THEMIS: variants seen among roughly 807,000 people sequenced by gnomAD.
The protein encoded by THEMIS is protein THEMIS.
Under a neutral mutation model 52.6 loss-of-function variants are expected in THEMIS, and 37 were observed. The observed-to-expected ratio is 0.70, with a 90% confidence interval of 0.54 to 0.93. THEMIS has a LOEUF of 0.93. THEMIS is among the 40% of genes least tolerant of loss of function. The pLI is 0.00. For synonymous variants in THEMIS, 292 were observed against 272.7 expected, an observed-to-expected ratio of 1.07 and a Z score of -0.70; for missense variants, 808 against 763.1, an observed-to-expected ratio of 1.06 and a Z score of -0.69.
At chr6:127,717,823 T>C (rs1583193887) in intron 5 of THEMIS, among the ~76,000 whole-genome samples, 1 of 48,902 alleles carries the variant, frequency 2.0e-5, no homozygotes, top group Non-Finnish European at 9.7e-5. Flanking sequence ...TTAATTAGGC[T>C]TTTTTTTTTT....
intron 1 of THEMIS, among the ~76,000 whole-genome samples, chr6:127,916,210 AT>A (rs1444414023): frequency 6.6e-6 from 1 of 151,702 alleles, no homozygotes; most frequent in African/African-American, 2.4e-5. Context: ...TATGAAAAAA[AT>A]AAACCTAGGG....
rs143455507 is a variant in THEMIS at position 127,764,326 on chromosome 6, AT to A, written c.1759-44504del. ...TTGTTGAACTCTATAATCTTGAGGC[AT>A]TTTTTTTTTACTATAGTAACGTCCA... On this transcript the variant is annotated intron_variant, in intron 4 of 5. Coordinates refer to ENST00000368248, the MANE Select transcript of THEMIS (RefSeq NM_001010923.3). Among the ~76,000 whole-genome samples the A allele has an allele frequency of 1.5e-3, 226 of 149,092 alleles. 1 individual carries two copies. Among genetic ancestry groups the A allele is most frequent in the African/African-American group, 4.3e-3 (177 of 40,852 alleles).
At chr6:127,900,576 T>C (rs1385499955) in intron 1 of THEMIS, among the ~76,000 whole-genome samples, 2 of 152,022 alleles carry the variant, frequency 1.3e-5, no homozygotes, top group African/African-American at 4.8e-5. Flanking sequence ...AAGGCAGAAA[T>C]AGTTCACCAT....
chr6:127,901,058 C>T lies in THEMIS; in HGVS notation c.-126G>A, dbSNP rs1050571606. 4.0e-6 allele frequency: 3 copies of T among 759,012 alleles called. No homozygotes were observed. In the African/African-American group the frequency reaches 5.1e-5, roughly 13 times the overall value. The allele number at this position is 759,012 out of a possible 1,614,324, so 47.0% of individuals were successfully genotyped here. A position where few individuals can be genotyped will look rare whatever the true frequency, so the allele number is the denominator to read the frequency against. ...TCAGGCAGGCAGGAATGTCACACTA[C>T]AGCCAGAGTGGGGTGGAGTAGCTCT... On this transcript the variant is annotated 5_prime_UTR_variant, in exon 1 of 6. Transcript: ENST00000368248.
chr6:127,855,470 A>AG (rs1779588553), intron 1 of THEMIS, among the ~76,000 whole-genome samples: 1 of 151,916 alleles, frequency 6.6e-6, no homozygotes, highest in Non-Finnish European at 1.5e-5. Flanking sequence ...CCATGGTCAA[A>AG]CTACAAACGT....
chr6:127,761,270 A>G (rs1189068420), intron 4 of THEMIS, among the ~76,000 whole-genome samples: 1 of 152,198 alleles, frequency 6.6e-6, no homozygotes, highest in Non-Finnish European at 1.5e-5. Context: ...GCAAAGGTAC[A>G]GCTGAGACAG....
chr6:127,882,354 T>C (rs767387953), intron 1 of THEMIS, among the ~76,000 whole-genome samples: 12 of 152,008 alleles, frequency 7.9e-5, no homozygotes, highest in Non-Finnish European at 1.5e-4. Context: ...CTGACAGTCA[T>C]TTTAGTGCCC....
chr6:127,813,796 G>C lies in THEMIS; in HGVS notation c.845C>G (p.Pro282Arg). 6.2e-7 allele frequency: 1 copy of C among 1,613,934 alleles called. No individual in the cohort carries two copies. The highest frequency in any genetic ancestry group is 8.5e-7 in the Non-Finnish European group (1 of 1,179,962). The change falls in exon 4 of 6, where the codon CCC (proline) becomes CGC (arginine). Residue 282 changes from proline (P) to arginine (R), a missense_variant. Coordinates refer to ENST00000368248, the MANE Select transcript of THEMIS (RefSeq NM_001010923.3). Reference protein sequence around the residue: ...DLFEMTSKEFPIVTEVIEAPE... With the variant: ...DLFEMTSKEFRIVTEVIEAPE... ...TGCTTCTATGACTTCAGTCACTATG[G>C]GGAACTCTTTACTAGTCATTTCAAA...
rs1250089984 is a variant in THEMIS, at chr6:127,829,633, T to A, written c.552A>T (p.Leu184=). 3 of 1,614,004 alleles carry A rather than the reference T, an allele frequency of 1.9e-6. No homozygotes were observed. Among genetic ancestry groups the A allele is most frequent in the African/African-American group, 1.3e-5 (1 of 74,944 alleles). ...YECEDERIYT[L]KEIVEWKIPK... is the part of the protein sequence containing the mutation. ...GAATCTTCCATTCAACAATCTCCTT[T>A]AGAGTGTAAATACGTTCATCTTCAC... The change falls in exon 3 of 6, where the codon CTA becomes CTT. Residue 184 remains leucine (L), a synonymous_variant. Coordinates refer to ENST00000368248, the MANE Select transcript of THEMIS (RefSeq NM_001010923.3).
chr6:127,869,176 C>T (rs1472251209), intron 1 of THEMIS, among the ~76,000 whole-genome samples: 1 of 152,118 alleles, frequency 6.6e-6, no homozygotes, highest in African/African-American at 2.4e-5. Context: ...TATTGATGTT[C>T]CTCAACTTAC....
chr6:127,713,842 A>G (rs552000328), intron 5 of THEMIS, among the ~76,000 whole-genome samples: 1 of 151,974 alleles, frequency 6.6e-6, no homozygotes, highest in Admixed American at 6.6e-5. Context: ...TATTGAGGAG[A>G]GGAGTTACAC....
At chr6:127,871,709 C>T (rs986259823) in intron 1 of THEMIS, among the ~76,000 whole-genome samples, 15 of 151,898 alleles carry the variant, frequency 9.9e-5, no homozygotes, top group African/African-American at 3.6e-4. Context: ...CCAGTTCCTC[C>T]AAAAGAGAAA....
chr6:127,740,422 A>T (rs1775159746), intron 4 of THEMIS, among the ~76,000 whole-genome samples: 1 of 152,208 alleles, frequency 6.6e-6, no homozygotes, highest in African/African-American at 2.4e-5. Flanking sequence ...AAAAAACTTT[A>T]TTGGATGTAA....
chr6:127,739,898 AC>A (rs1775139020), intron 4 of THEMIS, among the ~76,000 whole-genome samples: 1 of 152,188 alleles, frequency 6.6e-6, no homozygotes, highest in African/African-American at 2.4e-5. Flanking sequence ...GGTTCTTAAT[AC>A]CATTAACTGC....
chr6:127,724,365 T>C (rs1483398262), intron 4 of THEMIS, among the ~76,000 whole-genome samples: 1 of 152,086 alleles, frequency 6.6e-6, no homozygotes, highest in Non-Finnish European at 1.5e-5. Flanking sequence ...ACTAAGTGTG[T>C]AAACACAGTG....
At chr6:127,824,857 G>A (rs142460966) in intron 3 of THEMIS, among the ~76,000 whole-genome samples, 1,944 of 152,174 alleles carry the variant, frequency 0.013, 168 homozygotes, top group Admixed American at 0.11. Context: ...CCCAGGAGGC[G>A]GAGCTTGCAG....
the THEMIS span, among the ~76,000 whole-genome samples, chr6:127,701,940 A>AT: frequency 1.3e-5 from 2 of 151,908 alleles, no homozygotes; most frequent in Admixed American, 1.3e-4. Flanking sequence ...TCTGGATACC[A>AT]TTTTTTATTG....
chr6:127,873,965 T>C (rs528380264), intron 1 of THEMIS, among the ~76,000 whole-genome samples: 2 of 152,250 alleles, frequency 1.3e-5, no homozygotes, highest in African/African-American at 2.4e-5. Context: ...CAATCTATGG[T>C]ACATATCAAG....
At position 127,867,873 on chromosome 6, in the gene THEMIS, G is replaced by C. The variant is rs1780032212; in HGVS notation, c.92-12685C>G. ...GTCTGTTGCTGAGTCTGAGACTGTA[G>C]AATGAAATTTCAAGACTGATGTTTA... On this transcript the variant is annotated intron_variant, in intron 1 of 5. Transcript: ENST00000368248. 2.0e-5 allele frequency among the ~76,000 whole-genome samples: 3 copies of C among 151,928 alleles called. 1 individual carries two copies. The highest frequency in any genetic ancestry group is 6.6e-5 in the Admixed American group (1 of 15,214).
Sources: gnomAD v4.1 joint callset for allele counts (sites outside exome capture counted in the v4.1 genomes callset) on GRCh38, gnomAD v4.1.1 for gene constraint, MANE v1.5 for transcripts, NCBI Gene and HGNC (gene_info 2026-07-23, HGNC 2026-07-21) for gene names.